Variants in OR51A4 observed in about 807,000 individuals in gnomAD.
The protein encoded by OR51A4 is olfactory receptor 51A4.
For missense variants in OR51A4, 243 were observed against 364.0 expected, an observed-to-expected ratio of 0.67 and a Z score of 2.70; for synonymous variants, 96 against 141.5, an observed-to-expected ratio of 0.68 and a Z score of 2.28.
In OR51A4 at chr11:4,944,508, A is replaced by G. The variant is rs1846265062; in HGVS notation, c.*1651T>C. The G allele has an allele frequency of 6.5e-6, 1 of 154,526 alleles. No individual in the cohort carries two copies. Among genetic ancestry groups the G allele is most frequent in the African/African-American group, 2.4e-5 (1 of 41,590 alleles). 9.6% of individuals were successfully genotyped at this position (154,526 alleles called of 1,614,324 possible). A position where few individuals can be genotyped will look rare whatever the true frequency, so the allele number is the denominator to read the frequency against. On this transcript the variant is annotated 3_prime_UTR_variant, in exon 2 of 2. Transcript: ENST00000641898. ...TTGTATCTATAAAGATTTTCCATTA[A>G]TTGTGAAGTACGGTCAGTTGTGGGC...
Position 4,946,283 on chromosome 11 carries a change from A to T in OR51A4, c.818T>A (p.Ile273Asn). 3 of 1,614,000 alleles carry T rather than the reference A, an allele frequency of 1.9e-6. No homozygotes were observed. The highest frequency in any genetic ancestry group is 2.5e-6 in the Non-Finnish European group (3 of 1,180,012). ...GAGAACATTTGCCATGAGAACATTA[A>T]TGAGGGGAGAGACATGCCGGGCAAA... is the stretch of plus-strand genomic sequence containing the variant. Reference protein sequence around the residue: ...HRFARHVSPLINVLMANVLLL... With the variant: ...HRFARHVSPLNNVLMANVLLL... The change falls in exon 2 of 2, where the codon ATT becomes AAT. Residue 273 changes from isoleucine to asparagine, a missense_variant. Transcript: ENST00000641898.
Position 4,943,679 on chromosome 11 carries a change from A to G in OR51A4, c.*2480T>C. The G allele has an allele frequency of 5.6e-6, 2 of 357,106 alleles. No homozygotes were observed. Among genetic ancestry groups the G allele is most frequent in the Non-Finnish European group, 1.1e-5 (2 of 180,154 alleles). The allele number at this position is 357,106 out of a possible 1,614,324, so 22.1% of individuals were successfully genotyped here. On this transcript the variant is annotated 3_prime_UTR_variant, in exon 2 of 2. Transcript: ENST00000641898. ...TTGCCAAATGTCTCTTGGAGGTAACATTGCTGCCAGTTGAGAACCACTGTT... is the reference window on the plus strand; with the variant it reads ...TTGCCAAATGTCTCTTGGAGGTAACGTTGCTGCCAGTTGAGAACCACTGTT...
rs951314512 is a variant in OR51A4 at position 4,945,036 on chromosome 11, A to G, written c.*1123T>C. On this transcript the variant is annotated 3_prime_UTR_variant, in exon 2 of 2. Coordinates refer to ENST00000641898, the MANE Select transcript of OR51A4 (RefSeq NM_001005329.2). The stretch of plus-strand genomic sequence containing the variant: ...ATAGGTCTCTTCAATCACTTATAGT[A>G]CACTTTATTCAAGAAGAAGAAAGAA... 1.3e-5 allele frequency: 2 copies of G among 152,166 alleles called. No individual in the cohort carries two copies. Among genetic ancestry groups the G allele is most frequent in the African/African-American group, 4.8e-5 (2 of 41,446 alleles). The allele number at this position is 152,166 out of a possible 1,614,324, so 9.4% of individuals were successfully genotyped here.
chr11:4,947,162 T>C lies in OR51A4; in HGVS notation c.-62A>G, dbSNP rs1564812732. ...TGCTTGTGTTGGTAAAATAGGAATA[T>C]CTGTAAATTTAGTAGAAAAAAAGCA... On this transcript the variant is annotated splice_region_variant and 5_prime_UTR_variant, in exon 2 of 2. Transcript: ENST00000641898. 9.2e-7 allele frequency: 1 copy of C among 1,085,490 alleles called. No individual in the cohort carries two copies. The allele number at this position is 1,085,490 out of a possible 1,614,324, so 67.2% of individuals were successfully genotyped here. A position where few individuals can be genotyped will look rare whatever the true frequency, so the allele number is the denominator to read the frequency against.
In OR51A4 at chr11:4,946,322, G is replaced by T; in HGVS notation, c.779C>A (p.Ala260Asp). 6.2e-7 allele frequency: 1 copy of T among 1,613,894 alleles called. No homozygotes were observed. The highest frequency in any genetic ancestry group is 1.1e-5 in the South Asian group (1 of 91,070). ...ATGCCGGGCAAAGCGGTGGACAACG[G>T]CCAGGTTGATGATGGGCAGGTAGAA... ...IIFYLPIINL[A>D]VVHRFARHVS... Residue 260 changes from alanine (A) to aspartate (D), a missense_variant, in exon 2 of 2, where the codon GCC becomes GAC. Transcript: ENST00000641898.
In OR51A4 at chr11:4,945,339, A is replaced by T. The variant is rs1467729931; in HGVS notation, c.*820T>A. On this transcript the variant is annotated 3_prime_UTR_variant, in exon 2 of 2. Transcript: ENST00000641898. ...AACTCAAGAAAGCAAAGAGCTCTGT[A>T]AATTCAAAAACTGTTCAGTAGGTTG... 6.6e-6 allele frequency: 1 copy of T among 152,222 alleles called. No individual in the cohort carries two copies. Among genetic ancestry groups the T allele is most frequent in the Non-Finnish European group, 1.5e-5 (1 of 68,040 alleles). The allele number at this position is 152,222 out of a possible 1,614,324, so 9.4% of individuals were successfully genotyped here.
Position 4,943,502 on chromosome 11 carries a change from G to C in OR51A4, c.*2657C>G, listed in dbSNP as rs1486832944. 2.2e-6 allele frequency: 1 copy of C among 456,034 alleles called. No individual in the cohort carries two copies. Among genetic ancestry groups the C allele is most frequent in the Admixed American group, 2.4e-5 (1 of 42,544 alleles). 28.2% of individuals were successfully genotyped at this position (456,034 alleles called of 1,614,324 possible). A position where few individuals can be genotyped will look rare whatever the true frequency, so the allele number is the denominator to read the frequency against. Reference sequence around the variant, plus strand: ...TAGACTAAGGTTTTTTTAATGCTTGGCACCACTGACATTTTGTGCTAGATA... The same window carrying C: ...TAGACTAAGGTTTTTTTAATGCTTGCCACCACTGACATTTTGTGCTAGATA... On this transcript the variant is annotated 3_prime_UTR_variant, in exon 2 of 2. Transcript: ENST00000641898.
rs1269708446 is a variant in OR51A4, at chr11:4,946,278, C to T, written c.823G>A (p.Val275Ile). The part of the protein sequence containing the change: ...FARHVSPLIN[V>I]LMANVLLLVP... ...AGTAGGAGAACATTTGCCATGAGAA[C>T]ATTAATGAGGGGAGAGACATGCCGG... The change falls in exon 2 of 2, where the codon GTT becomes ATT. Residue 275 changes from valine (V) to isoleucine (I), a missense_variant. By Grantham distance (29) the Val-to-Ile change is conservative. Coordinates refer to ENST00000641898, the MANE Select transcript of OR51A4 (RefSeq NM_001005329.2). The T allele has an allele frequency of 5.6e-6, 9 of 1,613,830 alleles. No individual in the cohort carries two copies. The highest frequency in any genetic ancestry group is 1.7e-5 in the Admixed American group (1 of 59,996).
rs1039329479 is a variant in OR51A4 at position 4,945,405 on chromosome 11, A to G, written c.*754T>C. On this transcript the variant is annotated 3_prime_UTR_variant, in exon 2 of 2. Coordinates refer to ENST00000641898, the MANE Select transcript of OR51A4 (RefSeq NM_001005329.2). ...AATGAGTATCTGACGACGTTGAGTA[A>G]GTAGAAAGGGTCCAGGCCATGTAGG... 2 of 152,210 alleles carry G rather than the reference A, an allele frequency of 1.3e-5. No individual in the cohort carries two copies. The highest frequency in any genetic ancestry group is 2.4e-5 in the African/African-American group (1 of 41,442). The allele number at this position is 152,210 out of a possible 1,614,324, so 9.4% of individuals were successfully genotyped here.
Position 4,944,003 on chromosome 11 carries a change from C to T in OR51A4, c.*2156G>A, listed in dbSNP as rs75781771. 4,020 of 419,772 alleles carry T rather than the reference C, an allele frequency of 9.6e-3. 153 individuals are homozygous for T. Among genetic ancestry groups the T allele is most frequent in the African/African-American group, 0.075 (3,642 of 48,280 alleles). 26.0% of individuals were successfully genotyped at this position (419,772 alleles called of 1,614,324 possible). A position where few individuals can be genotyped will look rare whatever the true frequency, so the allele number is the denominator to read the frequency against. Reference sequence around the variant, plus strand: ...AAATGAAGTCTTCATATTGGGCTGCCTATCCGCACACTGGGAGAATATGAG... The same window carrying T: ...AAATGAAGTCTTCATATTGGGCTGCTTATCCGCACACTGGGAGAATATGAG... On this transcript the variant is annotated 3_prime_UTR_variant, in exon 2 of 2. Transcript: ENST00000641898.
Position 4,946,339 on chromosome 11 carries a change from C to A in OR51A4, c.762G>T (p.Leu254=). ...SHICAVIIFY[L]PIINLAVVHR... is the part of the protein sequence containing the mutation. ...GGACAACGGCCAGGTTGATGATGGGCAGGTAGAAGATGATCACTGCACAGA... is the reference window on the plus strand; with the variant it reads ...GGACAACGGCCAGGTTGATGATGGGAAGGTAGAAGATGATCACTGCACAGA... The change falls in exon 2 of 2, where the codon CTG becomes CTT. Residue 254 remains leucine (L), a synonymous_variant. Coordinates refer to ENST00000641898, the MANE Select transcript of OR51A4 (RefSeq NM_001005329.2). 1 of 1,613,762 alleles carries A rather than the reference C, an allele frequency of 6.2e-7. No homozygotes were observed. Among genetic ancestry groups the A allele is most frequent in the Non-Finnish European group, 8.5e-7 (1 of 1,179,972 alleles).
At position 4,943,746 on chromosome 11, in the gene OR51A4, C is replaced by T. The variant is rs1846251664; in HGVS notation, c.*2413G>A. 1 of 365,656 alleles carries T rather than the reference C, an allele frequency of 2.7e-6. No homozygotes were observed. Among genetic ancestry groups the T allele is most frequent in the African/African-American group, 2.1e-5 (1 of 46,908 alleles). The allele number at this position is 365,656 out of a possible 1,614,324, so 22.7% of individuals were successfully genotyped here. On this transcript the variant is annotated 3_prime_UTR_variant, in exon 2 of 2. Coordinates refer to ENST00000641898, the MANE Select transcript of OR51A4 (RefSeq NM_001005329.2). ...TGAGATTTTAATCCTCCAAAAACTA[C>T]ATTCTTCATTTCAGAAATATGTGAA...
chr11:4,946,322 G>A lies in OR51A4; in HGVS notation c.779C>T (p.Ala260Val). The change falls in exon 2 of 2, where the codon GCC becomes GTC. Residue 260 changes from alanine to valine, a missense_variant. Transcript: ENST00000641898. Reference sequence around the variant, plus strand: ...ATGCCGGGCAAAGCGGTGGACAACGGCCAGGTTGATGATGGGCAGGTAGAA... The same window carrying A: ...ATGCCGGGCAAAGCGGTGGACAACGACCAGGTTGATGATGGGCAGGTAGAA... ...IIFYLPIINL[A>V]VVHRFARHVS... The A allele has an allele frequency of 6.2e-7, 1 of 1,613,894 alleles. No individual in the cohort carries two copies. Among genetic ancestry groups the A allele is most frequent in the Non-Finnish European group, 8.5e-7 (1 of 1,179,990 alleles).
Position 4,946,709 on chromosome 11 carries a change from G to A in OR51A4, c.392C>T (p.Pro131Leu), listed in dbSNP as rs1846314428. 1 of 1,590,366 alleles carries A rather than the reference G, an allele frequency of 6.3e-7. No homozygotes were observed. The highest frequency in any genetic ancestry group is 1.4e-5 in the African/African-American group (1 of 72,818). Residue 131 changes from proline to leucine, a missense_variant, in exon 2 of 2, where the codon CCT becomes CTT. By Grantham distance (98) the Pro-to-Leu change is moderately conservative (BLOSUM62 -3). Coordinates refer to ENST00000641898, the MANE Select transcript of OR51A4 (RefSeq NM_001005329.2). ...TGTCAGGATTGAGGTGTATCTCAGA[G>A]GGTTGTGGATGGCTAGGAATCTATC... Reference protein sequence around the residue: ...SFDRFLAIHNPLRYTSILTTV... With the variant: ...SFDRFLAIHNLLRYTSILTTV...
At position 4,947,146 on chromosome 11, in the gene OR51A4, T is replaced by C. The variant is rs746133431; in HGVS notation, c.-46A>G. 1.9e-6 allele frequency: 2 copies of C among 1,062,782 alleles called. No homozygotes were observed. The highest frequency in any genetic ancestry group is 2.6e-6 in the Non-Finnish European group (2 of 770,368). The allele number at this position is 1,062,782 out of a possible 1,614,324, so 65.8% of individuals were successfully genotyped here. On this transcript the variant is annotated 5_prime_UTR_variant, in exon 2 of 2. Transcript: ENST00000641898. ...CTATGAAAAATACAGATGCTTGTGT[T>C]GGTAAAATAGGAATATCTGTAAATT...
rs778726536 is a variant in OR51A4 at position 4,946,890 on chromosome 11, A to T, written c.211T>A (p.Ser71Thr). 6 of 1,606,650 alleles carry T rather than the reference A, an allele frequency of 3.7e-6. No homozygotes were observed. Among genetic ancestry groups the T allele is most frequent in the Non-Finnish European group, 4.2e-6 (5 of 1,176,508 alleles). The change falls in exon 2 of 2, where the codon TCA becomes ACA. Residue 71 changes from serine (S) to threonine (T), a missense_variant. By Grantham distance (58) the Ser-to-Thr change is moderately conservative. Transcript: ENST00000641898. ...GATGATAAAGACAAACCCAAGTCTG[A>T]CATAGCCAACATGGAAAGAAAATAG... ...MYYFLSMLAMSDLGLSLSSLP... is the reference protein window; with the variant it reads ...MYYFLSMLAMTDLGLSLSSLP...
chr11:4,945,955 T>C lies in OR51A4; in HGVS notation c.*204A>G. 1 of 583,604 alleles carries C rather than the reference T, an allele frequency of 1.7e-6. No homozygotes were observed. The highest frequency in any genetic ancestry group is 3.1e-6 in the Non-Finnish European group (1 of 326,304). The allele number at this position is 583,604 out of a possible 1,614,324, so 36.2% of individuals were successfully genotyped here. On this transcript the variant is annotated 3_prime_UTR_variant, in exon 2 of 2. Coordinates refer to ENST00000641898, the MANE Select transcript of OR51A4 (RefSeq NM_001005329.2). ...GCTATCATAAGACATTTATTTTTAT[T>C]CTGCTTAACTGAAATGGGGACATAA...
In OR51A4 at chr11:4,946,295, A is replaced by T. The variant is rs368210346; in HGVS notation, c.806T>A (p.Val269Asp). ...LAVVHRFARH[V>D]SPLINVLMAN... ...CATGAGAACATTAATGAGGGGAGAG[A>T]CATGCCGGGCAAAGCGGTGGACAAC... Residue 269 changes from valine to aspartate, a missense_variant, in exon 2 of 2, where the codon GTC becomes GAC. Coordinates refer to ENST00000641898, the MANE Select transcript of OR51A4 (RefSeq NM_001005329.2). 6.2e-7 allele frequency: 1 copy of T among 1,613,764 alleles called. No individual in the cohort carries two copies. Among genetic ancestry groups the T allele is most frequent in the African/African-American group, 1.3e-5 (1 of 74,734 alleles).
Position 4,942,892 on chromosome 11 carries a change from C to T in OR51A4, c.*3267G>A, listed in dbSNP as rs1465287228. 1 of 152,150 alleles carries T rather than the reference C, an allele frequency of 6.6e-6. No individual in the cohort carries two copies. The highest frequency in any genetic ancestry group is 1.5e-5 in the Non-Finnish European group (1 of 68,050). The allele number at this position is 152,150 out of a possible 1,614,324, so 9.4% of individuals were successfully genotyped here. On this transcript the variant is annotated 3_prime_UTR_variant, in exon 2 of 2. Transcript: ENST00000641898. ...AATTAAATGGATTGGGTTGATTGTA[C>T]ACAATTCAATATATTAAAGAATATT...
Sources: allele counts gnomAD v4.1 joint callset, GRCh38; gene constraint gnomAD v4.1.1; transcripts MANE v1.5; gene names NCBI Gene and HGNC (gene_info 2026-07-23, HGNC 2026-07-21).